Variants in CLCN3 observed in about 807,000 individuals in gnomAD.
CLCN3 encodes the protein Cl-/H+ antiporter 3.
In CLCN3, 16 loss-of-function variants were observed where a neutral mutation model predicts 83.4. The observed-to-expected ratio is 0.19, with a 90% CI of 0.13 to 0.29. CLCN3 has a LOEUF of 0.29. CLCN3 is among the 10% of genes least tolerant of loss of function. The pLI is 1.00. For synonymous variants in CLCN3, 322 were observed against 346.2 expected (o/e 0.93, Z 0.78); for missense variants, 544 against 1,006.0 (o/e 0.54, Z 6.21).
At chr4:169,632,821 G>A (rs1477230380) in intron 1 of CLCN3, among the ~76,000 whole-genome samples, 2 of 151,640 alleles carry the variant, frequency 1.3e-5, no homozygotes, top group Non-Finnish European at 2.9e-5. Context: ...AAGGGTAGCA[G>A]GAAATGATTA....
intron 6 of CLCN3, 65 bp downstream of exon 6, chr4:169,690,717 A>G: frequency 6.1e-6 from 9 of 1,487,390 alleles, no homozygotes; most frequent in Non-Finnish European, 8.1e-6. Context: ...GACCTTAGTG[A>G]TAATAAAAGT....
At chr4:169,674,462 A>G (rs1379597676) in intron 2 of CLCN3, among the ~76,000 whole-genome samples, 3 of 152,150 alleles carry the variant, frequency 2.0e-5, no homozygotes, top group Admixed American at 6.5e-5. Flanking sequence ...TTATTCTCCA[A>G]TTGCTTTTTC....
intron 2 of CLCN3, among the ~76,000 whole-genome samples, chr4:169,672,220 T>TGATTGATAGATAGATA (rs1553968500): frequency 8.2e-5 from 12 of 145,496 alleles, no homozygotes; most frequent in African/African-American, 2.0e-4. Context: ...TCAAAATAAA[T>TGATTGATAGATAGATA]GATAGATAGA....
At chr4:169,697,040 A>G (rs1732591467) in intron 8 of CLCN3, 149 bp from the exon 9 acceptor site, 3 of 561,338 alleles carry the variant, frequency 5.3e-6, no homozygotes, top group East Asian at 3.0e-5. Flanking sequence ...AATAACATCA[A>G]TTTTTCTTAT....
chr4:169,624,993 T>G (rs1365429274), intron 1 of CLCN3, among the ~76,000 whole-genome samples: 1 of 152,126 alleles, frequency 6.6e-6, no homozygotes. Flanking sequence ...GGTTTCCCCA[T>G]GTTGGCCAGG....
intron 3 of CLCN3, 181 bp downstream of exon 3, chr4:169,680,388 A>T: frequency 2.0e-6 from 1 of 493,384 alleles, no homozygotes; most frequent in South Asian, 3.9e-5. Context: ...GTTTACTTAT[A>T]CCCTGTAACT....
At chr4:169,639,926 G>T (rs1267806678) in intron 2 of CLCN3, among the ~76,000 whole-genome samples, 1 of 152,090 alleles carries the variant, frequency 6.6e-6, no homozygotes, top group Non-Finnish European at 1.5e-5. Flanking sequence ...TTTACATCCT[G>T]GTTCTGTCAC....
chr4:169,643,652 G>T (rs1251572899), intron 2 of CLCN3, among the ~76,000 whole-genome samples: 1 of 152,106 alleles, frequency 6.6e-6, no homozygotes, highest in Non-Finnish European at 1.5e-5. Flanking sequence ...TCTCACCTCA[G>T]CCTCCCAAGT....
intron 3 of CLCN3, among the ~76,000 whole-genome samples, chr4:169,681,343 A>G (rs1731929550): frequency 6.6e-6 from 1 of 152,214 alleles, no homozygotes; most frequent in African/African-American, 2.4e-5. Context: ...AAAATTCCAA[A>G]TCTCAAAAGG....
chr4:169,656,964 A>T (rs1730906037), intron 2 of CLCN3, among the ~76,000 whole-genome samples: 1 of 152,104 alleles, frequency 6.6e-6, no homozygotes, highest in Admixed American at 6.6e-5. Flanking sequence ...ACAAATAAAA[A>T]ATCTTTTCAT....
intron 11 of CLCN3, among the ~76,000 whole-genome samples, chr4:169,709,528 C>CA (rs1234617210): frequency 1.3e-5 from 2 of 151,452 alleles, no homozygotes; most frequent in Non-Finnish European, 2.9e-5. Flanking sequence ...TACTAAAATA[C>CA]AAAAAAAATA....
At chr4:169,691,111 G>A (rs1218918464) in intron 6 of CLCN3, among the ~76,000 whole-genome samples, 2 of 151,920 alleles carry the variant, frequency 1.3e-5, no homozygotes, top group Non-Finnish European at 2.9e-5. Flanking sequence ...CAATTCTTGT[G>A]TCTCAGCCTC....
chr4:169,702,838 C>G (rs995574759), intron 9 of CLCN3: 1 of 271,996 alleles, frequency 3.7e-6, no homozygotes, highest in Non-Finnish European at 7.5e-6. Context: ...GTCCCAGCTA[C>G]TCACGAGGCT....
At chr4:169,653,156 G>A (rs1202396351) in intron 2 of CLCN3, among the ~76,000 whole-genome samples, 2 of 152,192 alleles carry the variant, frequency 1.3e-5, no homozygotes, top group Non-Finnish European at 1.5e-5. Flanking sequence ...CTACCCTGAT[G>A]TTATGAAGAC....
At chr4:169,650,690 TAAAC>T (rs1037075278) in intron 2 of CLCN3, among the ~76,000 whole-genome samples, 18 of 152,208 alleles carry the variant, frequency 1.2e-4, no homozygotes, top group Non-Finnish European at 2.4e-4. Context: ...TTTTTAGAAA[TAAAC>T]AAATAATTCT....
intron 1 of CLCN3, among the ~76,000 whole-genome samples, chr4:169,627,698 G>T (rs1021712406): frequency 6.6e-6 from 1 of 152,044 alleles, no homozygotes; most frequent in Admixed American, 6.6e-5. Flanking sequence ...TTTAGTTTAG[G>T]TCTTGTTGAG....
intron 3 of CLCN3, among the ~76,000 whole-genome samples, chr4:169,686,137 C>A (rs1732149240): frequency 6.6e-6 from 1 of 151,846 alleles, no homozygotes; most frequent in African/African-American, 2.4e-5. Flanking sequence ...AACACATGGA[C>A]ACAGGAAGGG....
intron 3 of CLCN3, among the ~76,000 whole-genome samples, chr4:169,681,434 T>C (rs1177053229): frequency 6.6e-6 from 1 of 152,230 alleles, no homozygotes; most frequent in East Asian, 1.9e-4. Context: ...CATATTAATA[T>C]ATATGTGTGT....
At chr4:169,678,445 ACT>A (rs1363537050) in intron 2 of CLCN3, among the ~76,000 whole-genome samples, 2 of 150,138 alleles carry the variant, frequency 1.3e-5, no homozygotes, top group African/African-American at 4.9e-5. Context: ...TTTATTGATC[ACT>A]CTTGGGTGTT....
Sources: allele counts gnomAD v4.1 joint callset (sites outside exome capture counted in the v4.1 genomes callset), GRCh38; gene constraint gnomAD v4.1.1; transcripts MANE v1.5; gene names NCBI Gene and HGNC (gene_info 2026-07-23, HGNC 2026-07-21).